Variants in GREB1 observed in about 807,000 individuals in gnomAD.
The protein encoded by GREB1 is growth regulating estrogen receptor binding 1.
Under a neutral mutation model 200.7 loss-of-function variants are expected in GREB1, and 106 were observed. The observed-to-expected ratio is 0.53, with a 90% CI of 0.45 to 0.62. GREB1 has a LOEUF of 0.62. Ranked by LOEUF, GREB1 falls within the 20% of genes least tolerant of loss-of-function variation. The pLI is 0.00. For synonymous variants in GREB1, 1,132 were observed against 1,092.4 expected (o/e 1.04, Z -0.72); for missense variants, 2,243 against 2,556.8 (o/e 0.88, Z 2.65).
chr2:11,566,386 C>T (rs1677654022), intron 3 of GREB1, 94 bp from the exon 4 acceptor site: 2 of 1,264,032 alleles, frequency 1.6e-6, no homozygotes, highest in South Asian at 1.5e-5. Context: ...AAGGGTTTCT[C>T]CTGAGCAGAC....
rs776326671 is a variant in GREB1 at position 11,585,250 on chromosome 2, G to A, written c.991G>A (p.Gly331Ser). ...PSAPDGGCPQ[G>S]GGNRAKYESA... ...AGCTCCAGATGGTGGCTGCCCCCAA[G>A]GTGGTGGGAACAGAGCTAAGTATGG... is the stretch of plus-strand genomic sequence containing the variant. The change falls in exon 8 of 33, where the codon GGT becomes AGT. Residue 331 changes from glycine to serine, a missense_variant. Gly to Ser is a moderately conservative substitution (Grantham distance 56, BLOSUM62 0). This residue lies in a region of GREB1 where 1,178 missense variants were observed against 1,387.4 expected (regional missense o/e 0.85). Coordinates refer to ENST00000381486, the MANE Select transcript of GREB1 (RefSeq NM_014668.4). 1.3e-6 allele frequency: 2 copies of A among 1,567,806 alleles called. No homozygotes were observed. Among genetic ancestry groups the A allele is most frequent in the South Asian group, 1.2e-5 (1 of 83,390 alleles).
At chr2:11,515,308 G>A (rs1464116963) in intron 1 of GREB1, among the ~76,000 whole-genome samples, 2 of 152,208 alleles carry the variant, frequency 1.3e-5, no homozygotes, top group African/African-American at 4.8e-5. Context: ...GAGATGATGT[G>A]CTCAAAGAAC....
At chr2:11,511,580 A>C (rs1048526040) in intron 1 of GREB1, among the ~76,000 whole-genome samples, 12 of 152,254 alleles carry the variant, frequency 7.9e-5, no homozygotes, top group African/African-American at 2.9e-4. Context: ...CAGATGAGGA[A>C]GCAGCGTGCC....
intron 1 of GREB1, among the ~76,000 whole-genome samples, chr2:11,511,488 G>A (rs1673350528): frequency 6.6e-6 from 1 of 152,136 alleles, no homozygotes; most frequent in African/African-American, 2.4e-5. Context: ...TGAGTTCAGG[G>A]AAAGACTGGC....
chr2:11,591,514 C>T, intron 10 of GREB1: 1 of 707,246 alleles, frequency 1.4e-6, no homozygotes, highest in Admixed American at 2.0e-5. Flanking sequence ...ATGCAAATCA[C>T]AAATCAAGTC....
Position 11,641,633 on chromosome 2 carries a change from C to T in GREB1, c.*1179C>T, listed in dbSNP as rs1685820795. 6.6e-6 allele frequency: 1 copy of T among 152,184 alleles called. No individual in the cohort carries two copies. Among genetic ancestry groups the T allele is most frequent in the Middle Eastern group, 3.4e-3 (1 of 294 alleles). 9.4% of individuals were successfully genotyped at this position (152,184 alleles called of 1,614,324 possible). On this transcript the variant is annotated 3_prime_UTR_variant, in exon 33 of 33. Coordinates refer to ENST00000381486, the MANE Select transcript of GREB1 (RefSeq NM_014668.4). ...CCCGAGTAGCTGGGACTACAGGCGC[C>T]CACCACCACGCCCGGCTAATTTTTT...
intron 7 of GREB1, among the ~76,000 whole-genome samples, chr2:11,584,062 CAAG>C (rs986447930): frequency 6.6e-6 from 1 of 152,154 alleles, no homozygotes; most frequent in African/African-American, 2.4e-5. Context: ...GCGTTAGAAT[CAAG>C]AAGAAGCGTT....
chr2:11,517,432 CAG>C (rs1673545279), intron 1 of GREB1: 2 of 151,898 alleles, frequency 1.3e-5, no homozygotes, highest in Non-Finnish European at 2.9e-5. Context: ...CGCCTGGTCT[CAG>C]AAGCTAAGCA....
In GREB1 at chr2:11,506,094, C is replaced by G. The variant is rs1673176622; in HGVS notation, c.-159+23713C>G. Among the ~76,000 whole-genome samples the G allele has an allele frequency of 2.0e-5, 3 of 152,128 alleles. No homozygotes were observed. The South Asian group carries it at 6.2e-4, about 32-fold the overall frequency. On this transcript the variant is annotated intron_variant, in intron 1 of 2. Coordinates refer to the GREB1 transcript ENST00000628795. ...TGCTACAACAAATATTTATTGAGCA[C>G]CTGCAGTATGTCAGGCACCAAGAAC...
intron 12 of GREB1, among the ~76,000 whole-genome samples, 200 bp from the exon 13 acceptor site, chr2:11,595,911 A>C (rs11679686): frequency 2.0e-5 from 3 of 151,742 alleles, no homozygotes; most frequent in Non-Finnish European, 2.9e-5. Context: ...AGCACCTGCT[A>C]TGTCTGTGTG....
rs549088264 is a variant in GREB1, at chr2:11,597,152, C to G, written c.1955-629C>G. 2.6e-5 allele frequency among the ~76,000 whole-genome samples: 4 copies of G among 152,152 alleles called. No individual in the cohort carries two copies. Among genetic ancestry groups the G allele is most frequent in the African/African-American group, 9.6e-5 (4 of 41,494 alleles). ...AGAGGGCACTGGCGAGGGCCTCGGT[C>G]TGGCCTGGGAGGCAGCATCCAAGGA... On this transcript the variant is annotated intron_variant, in intron 13 of 32. Coordinates refer to ENST00000381486, the MANE Select transcript of GREB1 (RefSeq NM_014668.4). This position sits in a 1 kb window ranked among gnomAD's most constrained non-coding sequence, Gnocchi z 4.1.
At position 11,629,870 on chromosome 2, in the gene GREB1, C is replaced by T; in HGVS notation, c.4450-78C>T. 1.4e-6 allele frequency: 2 copies of T among 1,432,864 alleles called. No homozygotes were observed. The highest frequency in any genetic ancestry group is 9.7e-7 in the Non-Finnish European group (1 of 1,030,686). 88.8% of individuals were successfully genotyped at this position (1,432,864 alleles called of 1,614,324 possible). ...GGTGACTGTGAGCTGCACGTTGTCA[C>T]AGCAGAGTGGGCCTGGGGTCTTCTG... On this transcript the variant is annotated intron_variant, in intron 25 of 32. Transcript: ENST00000381486. The surrounding 1 kb of genome is among the most constrained non-coding windows in gnomAD (Gnocchi z 5.2).
chr2:11,548,251 CAT>C lies in GREB1; in HGVS notation c.-161-8200_-161-8199del, dbSNP rs988933450. Among the ~76,000 whole-genome samples the C allele has an allele frequency of 2.4e-4, 36 of 150,556 alleles. No homozygotes were observed. Among genetic ancestry groups the C allele is most frequent in the African/African-American group, 8.6e-4 (35 of 40,930 alleles). ...GTGCACACATGTGCACATACCCAAA[CAT>C]ATGTGCACACACATGTACAGCCAGA... On this transcript the variant is annotated intron_variant, in intron 1 of 32. Coordinates refer to ENST00000381486, the MANE Select transcript of GREB1 (RefSeq NM_014668.4). This position sits in a 1 kb window ranked among gnomAD's most constrained non-coding sequence, Gnocchi z 5.1.
At chr2:11,566,435 C>T (rs1238914493) in intron 3 of GREB1, 45 bp from the exon 4 acceptor site, 1 of 1,540,132 alleles carries the variant, frequency 6.5e-7, no homozygotes, top group African/African-American at 1.4e-5. Context: ...GACCCCGCTT[C>T]TGGGAAGCCC....
chr2:11,628,868 T>A (rs1197228533), intron 25 of GREB1, among the ~76,000 whole-genome samples: 3 of 152,058 alleles, frequency 2.0e-5, no homozygotes, highest in African/African-American at 7.2e-5. Flanking sequence ...GGGGCCACAG[T>A]GGAAGAGGAG....
chr2:11,608,690 G>C lies in GREB1; in HGVS notation c.2667-1998G>C, dbSNP rs117457478. Among the ~76,000 whole-genome samples the C allele has an allele frequency of 3.3e-4, 50 of 152,276 alleles. No homozygotes were observed. The East Asian group carries it at 7.3e-3, about 22-fold the overall frequency. ...ACTCTACAATGTTTCATGACTCCGA[G>C]GTGTTCCATATTGGCTGTGGAAACA... On this transcript the variant is annotated intron_variant, in intron 17 of 32. Coordinates refer to ENST00000381486, the MANE Select transcript of GREB1 (RefSeq NM_014668.4).
At chr2:11,483,687 G>GTGTGTGTGT (rs1672573952) in intron 1 of GREB1, among the ~76,000 whole-genome samples, 19 of 132,386 alleles carry the variant, frequency 1.4e-4, no homozygotes, top group African/African-American at 4.8e-4. Flanking sequence ...TACAAGAAGG[G>GTGTGTGTGT]GTGTGTGTGT....
intron 1 of GREB1, among the ~76,000 whole-genome samples, chr2:11,506,051 C>T (rs1673174924): frequency 6.6e-6 from 1 of 152,136 alleles, no homozygotes; most frequent in African/African-American, 2.4e-5. Flanking sequence ...GGTATCAAAG[C>T]CTGTTGCGTT....
Position 11,610,878 on chromosome 2 carries a change from C to A in GREB1, c.2857C>A (p.Arg953=). 1 of 1,613,226 alleles carries A rather than the reference C, an allele frequency of 6.2e-7. No individual in the cohort carries two copies. Among genetic ancestry groups the A allele is most frequent in the Non-Finnish European group, 8.5e-7 (1 of 1,179,864 alleles). The part of the protein sequence containing the change: ...PCGHGLMVLL[R]VPCSPLAVVA... ...CGGCCACGGGCTCATGGTCCTGCTG[C>A]GGGTGCCCTGTTCGCCCCTGGCGGT... Residue 953 remains arginine, a synonymous_variant, in exon 18 of 33, where the codon CGG becomes AGG. Coordinates refer to ENST00000381486, the MANE Select transcript of GREB1 (RefSeq NM_014668.4).
Sources: allele counts gnomAD v4.1 joint callset (sites outside exome capture counted in the v4.1 genomes callset), GRCh38; gene constraint gnomAD v4.1.1; regional missense constraint gnomAD v4.1.1; non-coding constraint Gnocchi (gnomAD v3.1); transcripts MANE v1.5; gene names NCBI Gene and HGNC (gene_info 2026-07-23, HGNC 2026-07-21).